Variants in NCAPH2 observed in about 807,000 individuals in gnomAD.
NCAPH2 encodes the protein condensin-2 complex subunit H2.
A neutral mutation model predicts 88.6 loss-of-function variants in NCAPH2; 56 were observed. The observed-to-expected ratio is 0.63, with a 90% CI of 0.51 to 0.79. The LOEUF is 0.79. Ranked by LOEUF, NCAPH2 falls within the 30% of genes least tolerant of loss-of-function variation. The pLI is 0.00. For synonymous variants in NCAPH2, 378 were observed against 313.6 expected (o/e 1.21, Z -2.17); for missense variants, 794 against 792.0 (o/e 1.00, Z -0.03).
rs1048543302 is a variant in NCAPH2, at chr22:50,508,278, G to A, written c.-60G>A. ...GCGCCAGAACTAGTGGCGGGCTGAG[G>A]ACGCCGTACCCCTCGGAAGGCAGCC... On this transcript the variant is annotated 5_prime_UTR_variant, in exon 1 of 20. Coordinates refer to ENST00000420993, the MANE Select transcript of NCAPH2 (RefSeq NM_152299.4). 18 of 1,281,340 alleles carry A rather than the reference G, an allele frequency of 1.4e-5. No homozygotes were observed. The highest frequency in any genetic ancestry group is 2.4e-4 in the Middle Eastern group (1 of 4,242). The allele number at this position is 1,281,340 out of a possible 1,614,324, so 79.4% of individuals were successfully genotyped here. A position where few individuals can be genotyped will look rare whatever the true frequency, so the allele number is the denominator to read the frequency against.
At position 50,523,018 on chromosome 22, in the gene NCAPH2, A is replaced by C; in HGVS notation, c.1529A>C (p.Glu510Ala). ...DTVQPLLQEQ[E>A]QHVPFDIHTY... is the part of the protein sequence containing the mutation. Reference sequence around the variant, plus strand: ...CCAACATGCCCCTCCCCTGTGCAGGAGCAGCATGTGCCCTTTGACATCCAC... The same window carrying C: ...CCAACATGCCCCTCCCCTGTGCAGGCGCAGCATGTGCCCTTTGACATCCAC... Residue 510 changes from glutamate to alanine, a missense_variant and splice_region_variant, in exon 19 of 20, where the codon GAG (glutamate) becomes GCG (alanine). Around this residue, in one of 2 missense-constraint regions of NCAPH2, gnomAD observed 735 missense variants for 696.3 expected, o/e 1.06. Transcript: ENST00000420993. The C allele has an allele frequency of 1.2e-6, 2 of 1,602,586 alleles. No homozygotes were observed. The highest frequency in any genetic ancestry group is 1.7e-6 in the Non-Finnish European group (2 of 1,172,692).
At chr22:50,519,153 C>G in intron 8 of NCAPH2, 37 bp from the exon 9 acceptor site, 1 of 1,540,746 alleles carries the variant, frequency 6.5e-7, no homozygotes, top group Non-Finnish European at 8.7e-7. Context: ...GGTCTCGGCA[C>G]TCCTTGGAGC....
Position 50,523,251 on chromosome 22 carries a change from T to C in NCAPH2, c.1694T>C (p.Val565Ala). 6.2e-7 allele frequency: 1 copy of C among 1,612,770 alleles called. No individual in the cohort carries two copies. The highest frequency in any genetic ancestry group is 8.5e-7 in the Non-Finnish European group (1 of 1,179,582). The stretch of plus-strand genomic sequence containing the variant: ...CCCCTGCAGGCCAATGACTACACAG[T>C]GGAGATAACCCAGCAGCCCGGGCTG... ...ASLQLANDYT[V>A]EITQQPGLEM... is the part of the protein sequence containing the mutation. Residue 565 changes from valine (V) to alanine (A), a missense_variant, in exon 20 of 20, where the codon GTG becomes GCG. By Grantham distance (64) the Val-to-Ala change is moderately conservative (BLOSUM62 0). Coordinates refer to ENST00000420993, the MANE Select transcript of NCAPH2 (RefSeq NM_152299.4).
At chr22:50,519,494 G>T in intron 9 of NCAPH2, 174 bp downstream of exon 9, 1 of 1,434,224 alleles carries the variant, frequency 7.0e-7, no homozygotes. Flanking sequence ...CTTTTGAAGA[G>T]CAGCTTCTGT....
Position 50,521,561 on chromosome 22 carries a change from C to G in NCAPH2, c.952C>G (p.Gln318Glu), listed in dbSNP as rs768912627. 6.2e-7 allele frequency: 1 copy of G among 1,613,628 alleles called. No homozygotes were observed. The highest frequency in any genetic ancestry group is 1.1e-5 in the South Asian group (1 of 91,086). ...TGCCCAGGAGACTCCAGACCCCTGGCAGAGCCTGGACCCCTTTGACTCCTT... is the reference window on the plus strand; with the variant it reads ...TGCCCAGGAGACTCCAGACCCCTGGGAGAGCCTGGACCCCTTTGACTCCTT... Reference protein sequence around the residue: ...SCVKETPDPWQSLDPFDSLES... With the variant: ...SCVKETPDPWESLDPFDSLES... The change falls in exon 11 of 20, where the codon CAG (glutamine) becomes GAG (glutamate). Residue 318 changes from glutamine (Q) to glutamate (E), a missense_variant. Physicochemically the swap from Gln to Glu is conservative, Grantham distance 29. This residue lies in a region of NCAPH2 where 735 missense variants were observed against 696.3 expected (regional missense o/e 1.06). Transcript: ENST00000420993.
intron 1 of NCAPH2, among the ~76,000 whole-genome samples, chr22:50,509,226 A>G (rs2068717751): frequency 6.6e-6 from 1 of 152,086 alleles, no homozygotes; most frequent in African/African-American, 2.4e-5. Flanking sequence ...ATTTATTTCT[A>G]TGATTTTAAA....
In NCAPH2 at chr22:50,524,287, C is replaced by G; in HGVS notation, c.*912C>G. 8.7e-6 allele frequency: 14 copies of G among 1,603,434 alleles called. No homozygotes were observed. The highest frequency in any genetic ancestry group is 1.2e-5 in the Non-Finnish European group (14 of 1,179,844). ...GCCCTGCCCACCTGTCTCTGCAGGG[C>G]CCTGCCTTGACAAAAGCCAGGACCT... On this transcript the variant is annotated 3_prime_UTR_variant, in exon 20 of 20. Coordinates refer to ENST00000420993, the MANE Select transcript of NCAPH2 (RefSeq NM_152299.4).
intron 9 of NCAPH2, chr22:50,519,685 G>T (rs2069030535): frequency 1.8e-6 from 2 of 1,113,350 alleles, no homozygotes; most frequent in Middle Eastern, 3.8e-4. Context: ...CAACCCCCGG[G>T]GTCAACTGTA....
Position 50,523,611 on chromosome 22 carries a change from T to C in NCAPH2, c.*236T>C. The C allele has an allele frequency of 6.2e-7, 1 of 1,613,134 alleles. No individual in the cohort carries two copies. Among genetic ancestry groups the C allele is most frequent in the Non-Finnish European group, 8.5e-7 (1 of 1,179,956 alleles). On this transcript the variant is annotated 3_prime_UTR_variant, in exon 20 of 20. Transcript: ENST00000420993. ...ATGATGGGGCCCAGACTGCAGTGGC[T>C]CAAGACAGGACACTGCGGAAAGCCG...
At position 50,508,274 on chromosome 22, in the gene NCAPH2, T is replaced by C; in HGVS notation, c.-64T>C. On this transcript the variant is annotated 5_prime_UTR_variant, in exon 1 of 20. An upstream open reading frame in the 5' UTR loses its in-frame stop. Coordinates refer to ENST00000420993, the MANE Select transcript of NCAPH2 (RefSeq NM_152299.4). ...AATGGCGCCAGAACTAGTGGCGGGC[T>C]GAGGACGCCGTACCCCTCGGAAGGC... 2.4e-6 allele frequency: 3 copies of C among 1,236,286 alleles called. No homozygotes were observed. The highest frequency in any genetic ancestry group is 3.3e-6 in the Non-Finnish European group (3 of 921,502). The allele number at this position is 1,236,286 out of a possible 1,614,324, so 76.6% of individuals were successfully genotyped here.
At position 50,515,404 on chromosome 22, in the gene NCAPH2, A is replaced by T. The variant is rs112654093; in HGVS notation, c.109-1043A>T. Among the ~76,000 whole-genome samples the T allele has an allele frequency of 5.7e-3, 836 of 147,760 alleles. 4 individuals are homozygous for T. The highest frequency in any genetic ancestry group is 7.0e-3 in the Non-Finnish European group (463 of 66,488). On this transcript the variant is annotated intron_variant, in intron 1 of 19. Transcript: ENST00000420993. ...AGAGAAACCCTGTCTCTACAAAAAC[A>T]TTTTTTTTTTGAGACGGAGTCTCGC...
At chr22:50,517,324 G>C in intron 2 of NCAPH2, 103 bp from the exon 3 acceptor site, 1 of 1,173,676 alleles carries the variant, frequency 8.5e-7, no homozygotes, top group Non-Finnish European at 1.3e-6. Flanking sequence ...TGGAGGTTTG[G>C]TGGTGGTGGC....
chr22:50,510,811 A>G (rs2068761562), intron 1 of NCAPH2, among the ~76,000 whole-genome samples: 1 of 151,194 alleles, frequency 6.6e-6, no homozygotes, highest in Admixed American at 6.6e-5. Context: ...CCATCTCAGC[A>G]CCTTACACAC....
At position 50,518,373 on chromosome 22, in the gene NCAPH2, T is replaced by C. The variant is rs2068989004; in HGVS notation, c.646+95T>C. 9 of 1,517,766 alleles carry C rather than the reference T, an allele frequency of 5.9e-6. No individual in the cohort carries two copies. In the South Asian group the frequency reaches 1.1e-4, roughly 19 times the overall value. 94.0% of individuals were successfully genotyped at this position (1,517,766 alleles called of 1,614,324 possible). On this transcript the variant is annotated intron_variant, in intron 7 of 19. Coordinates refer to ENST00000420993, the MANE Select transcript of NCAPH2 (RefSeq NM_152299.4). ...GCCCTGTGCTTGCCACCTCTGGTCT[T>C]GGGAGCTCCCTGTCTCTGGGTGCCT...
intron 1 of NCAPH2, among the ~76,000 whole-genome samples, chr22:50,512,894 T>C (rs907984260): frequency 2.6e-5 from 4 of 152,206 alleles, no homozygotes; most frequent in African/African-American, 4.8e-5. Context: ...TATCCATTTA[T>C]TTATTCATTG....
intron 10 of NCAPH2, 65 bp from the exon 11 acceptor site, chr22:50,521,478 C>G: frequency 6.5e-7 from 1 of 1,546,012 alleles, no homozygotes; most frequent in South Asian, 1.1e-5. Flanking sequence ...GCATCCCCTA[C>G]TCCTTTGGGA....
rs1256374142 is a variant in NCAPH2, at chr22:50,522,367, G to A, written c.1258G>A (p.Ala420Thr). ...REVAEQWLRP[A>T]EEDHLEDSLE... ...GGTGGCTGAGCAGTGGCTGCGGCCT[G>A]CAGAGGAGGACCACCTGGAGGATTC... is the stretch of plus-strand genomic sequence containing the variant. Residue 420 changes from alanine to threonine, a missense_variant, in exon 15 of 20, where the codon GCA becomes ACA. Around this residue, in one of 2 missense-constraint regions of NCAPH2, gnomAD observed 735 missense variants for 696.3 expected, o/e 1.06. Transcript: ENST00000420993. 1.2e-6 allele frequency: 2 copies of A among 1,607,540 alleles called. No homozygotes were observed. Among genetic ancestry groups the A allele is most frequent in the Admixed American group, 1.7e-5 (1 of 59,732 alleles).
intron 10 of NCAPH2, 77 bp downstream of exon 10, chr22:50,521,113 C>T (rs896022779): frequency 4.7e-6 from 7 of 1,485,784 alleles, no homozygotes; most frequent in African/African-American, 1.4e-5. Context: ...CCATCATGCT[C>T]TTGCTCCTGC....
At chr22:50,518,614 C>A in intron 7 of NCAPH2, 35 bp from the exon 8 acceptor site, 1 of 1,565,594 alleles carries the variant, frequency 6.4e-7, no homozygotes, top group Non-Finnish European at 8.7e-7. Context: ...TGGAGAGGGG[C>A]TGGGCTGACC....
Sources: gnomAD v4.1 joint callset for allele counts (sites outside exome capture counted in the v4.1 genomes callset) on GRCh38, gnomAD v4.1.1 for gene constraint, gnomAD v4.1.1 regional missense constraint, MANE v1.5 for transcripts, NCBI Gene and HGNC (gene_info 2026-07-23, HGNC 2026-07-21) for gene names.